SYCP1: variants seen among roughly 807,000 people sequenced by gnomAD.
SYCP1 encodes synaptonemal complex protein 1.
In SYCP1, 64 loss-of-function variants were observed where a neutral mutation model predicts 153.1. That is an observed-to-expected ratio of 0.42 (90% CI 0.34 to 0.51). The LOEUF is 0.51. Ranked by LOEUF, SYCP1 falls within the 20% of genes least tolerant of loss-of-function variation. SYCP1 has a pLI of 0.06. For synonymous variants in SYCP1, 384 were observed against 341.8 expected (o/e 1.12, Z -1.36); for missense variants, 997 against 1,049.0 (o/e 0.95, Z 0.68).
At chr1:114,945,910 C>G (rs1380573019) in intron 25 of SYCP1, among the ~76,000 whole-genome samples, 2 of 152,026 alleles carry the variant, frequency 1.3e-5, no homozygotes, top group Non-Finnish European at 2.9e-5. Flanking sequence ...AGGTATATCT[C>G]CTAATGCTAG....
intron 9 of SYCP1, among the ~76,000 whole-genome samples, chr1:114,874,876 G>C (rs1396251818): frequency 1.3e-5 from 2 of 152,008 alleles, no homozygotes; most frequent in Non-Finnish European, 2.9e-5. Flanking sequence ...ATCTGTGTCT[G>C]GCTTCTGTTT....
chr1:114,982,953 T>G (rs1453182292), intron 29 of SYCP1, among the ~76,000 whole-genome samples: 1 of 152,082 alleles, frequency 6.6e-6, no homozygotes, highest in Non-Finnish European at 1.5e-5. Context: ...TTGTTGTGAG[T>G]GCCACTAAAG....
intron 8 of SYCP1, among the ~76,000 whole-genome samples, chr1:114,870,196 T>C (rs561909074): frequency 1.3e-5 from 2 of 152,150 alleles, no homozygotes; most frequent in Admixed American, 1.3e-4. Flanking sequence ...CTATTTTTTG[T>C]AGAGAAGGGG....
intron 4 of SYCP1, 28 bp downstream of exon 4, chr1:114,857,303 T>C (rs1664065057): frequency 2.5e-6 from 4 of 1,593,286 alleles, no homozygotes; most frequent in African/African-American, 1.3e-5. Context: ...CATGTAGATA[T>C]AATCTGTTTA....
intron 30 of SYCP1, among the ~76,000 whole-genome samples, chr1:114,988,801 C>G (rs937452306): frequency 3.3e-5 from 5 of 151,944 alleles, no homozygotes; most frequent in Admixed American, 2.0e-4. Context: ...TTTTTATTTT[C>G]TATATGATTT....
At chr1:114,956,207 A>G (rs988318878) in intron 27 of SYCP1, among the ~76,000 whole-genome samples, 1 of 152,094 alleles carries the variant, frequency 6.6e-6, no homozygotes, top group Non-Finnish European at 1.5e-5. Flanking sequence ...GGCTAACAAG[A>G]TGGGCTCTCC....
chr1:114,871,479 G>A (rs963013892), intron 8 of SYCP1, among the ~76,000 whole-genome samples: 1 of 151,784 alleles, frequency 6.6e-6, no homozygotes, highest in Admixed American at 6.6e-5. Context: ...GCCTCCTCCC[G>A]TCTTTTGTAT....
At chr1:114,960,857 T>C (rs1671740502) in intron 27 of SYCP1, among the ~76,000 whole-genome samples, 1 of 152,212 alleles carries the variant, frequency 6.6e-6, no homozygotes, top group Non-Finnish European at 1.5e-5. Context: ...ATTAGGGTGA[T>C]ACTGGCTTCA....
At chr1:114,860,363 G>C (rs546764381) in intron 7 of SYCP1, among the ~76,000 whole-genome samples, 1 of 152,092 alleles carries the variant, frequency 6.6e-6, no homozygotes, top group South Asian at 2.1e-4. Flanking sequence ...ATATTAATTT[G>C]TTAATGAATG....
At chr1:114,936,387 T>C (rs913383922) in intron 23 of SYCP1, among the ~76,000 whole-genome samples, 2 of 152,174 alleles carry the variant, frequency 1.3e-5, no homozygotes, top group South Asian at 4.1e-4. Context: ...AAACTAGGTA[T>C]TGATGGAACA....
intron 23 of SYCP1, among the ~76,000 whole-genome samples, chr1:114,934,921 C>T (rs1199490773): frequency 6.6e-6 from 1 of 152,100 alleles, no homozygotes; most frequent in Non-Finnish European, 1.5e-5. Flanking sequence ...TCCTTAGAGA[C>T]CTAGAAAGGT....
At chr1:114,909,261 G>C (rs1668019836) in intron 16 of SYCP1, among the ~76,000 whole-genome samples, 1 of 152,032 alleles carries the variant, frequency 6.6e-6, no homozygotes, top group Non-Finnish European at 1.5e-5. Flanking sequence ...GGTTCCTCTA[G>C]CAAGAGAGAT....
chr1:114,878,381 G>C (rs916694572), intron 12 of SYCP1, among the ~76,000 whole-genome samples, 179 bp downstream of exon 12: 3 of 151,914 alleles, frequency 2.0e-5, no homozygotes, highest in Non-Finnish European at 4.4e-5. Flanking sequence ...TAAAATACAT[G>C]TACTCTTCTT....
intron 27 of SYCP1, among the ~76,000 whole-genome samples, chr1:114,970,510 T>C (rs964882638): frequency 8.0e-5 from 12 of 150,114 alleles, no homozygotes; most frequent in African/African-American, 2.7e-4. Context: ...TTACCAGAAT[T>C]GTTTTTTTTT....
chr1:114,933,715 G>A (rs953900033), intron 23 of SYCP1, among the ~76,000 whole-genome samples: 12 of 151,238 alleles, frequency 7.9e-5, no homozygotes, highest in African/African-American at 1.5e-4. Flanking sequence ...TTAAATGACC[G>A]GATGGAGCTG....
intron 9 of SYCP1, 98 bp from the exon 10 acceptor site, chr1:114,875,971 T>C: frequency 2.7e-6 from 2 of 735,900 alleles, no homozygotes; most frequent in Non-Finnish European, 4.2e-6. Context: ...TGGTTTTAAA[T>C]TTAATGATCA....
chr1:114,908,683 A>G (rs1358177114), intron 16 of SYCP1, among the ~76,000 whole-genome samples: 1 of 151,784 alleles, frequency 6.6e-6, no homozygotes. Flanking sequence ...TAAAATTTCC[A>G]TTTGTTCTTA....
intron 16 of SYCP1, among the ~76,000 whole-genome samples, chr1:114,907,936 T>C (rs990401073): frequency 7.9e-5 from 12 of 152,158 alleles, no homozygotes; most frequent in Non-Finnish European, 1.8e-4. Context: ...TGCTATAATT[T>C]TTGCTTTAGT....
At chr1:114,943,839 G>A (rs1287298022) in intron 23 of SYCP1, among the ~76,000 whole-genome samples, 1 of 151,682 alleles carries the variant, frequency 6.6e-6, no homozygotes, top group Non-Finnish European at 1.5e-5. Flanking sequence ...AATATGAAGG[G>A]TGCTAATTCA....
Sources: allele counts gnomAD v4.1 joint callset (sites outside exome capture counted in the v4.1 genomes callset), GRCh38; gene constraint gnomAD v4.1.1; transcripts MANE v1.5; gene names NCBI Gene and HGNC (gene_info 2026-07-23, HGNC 2026-07-21).